ADAMTS2: variants seen among roughly 807,000 people sequenced by gnomAD.
ADAMTS2 encodes the protein ADAM metallopeptidase with thrombospondin type 1 motif 2, also known as A disintegrin and metalloproteinase with thrombospondin motifs 2.
A neutral mutation model predicts 123.0 loss-of-function variants in ADAMTS2; 50 were observed. That is an observed-to-expected ratio of 0.41 (90% confidence interval 0.32 to 0.51). The LOEUF is 0.51. Ranked by LOEUF, ADAMTS2 falls within the 20% of genes least tolerant of loss-of-function variation. The pLI is 0.35. For missense variants in ADAMTS2, 1,494 were observed against 1,705.2 expected (o/e 0.88, Z 2.18); for synonymous variants, 678 against 695.4 (o/e 0.98, Z 0.39).
At position 179,113,056 on chromosome 5, in the gene ADAMTS2, G is replaced by A; in HGVS notation, c.*811C>T. On this transcript the variant is annotated 3_prime_UTR_variant, in exon 22 of 22. Transcript: ENST00000251582. The stretch of plus-strand genomic sequence containing the variant: ...GGTCGAGACATTCAGATGCCGTACA[G>A]CATGAGCACCAAGAAGGTCAGAAGG... 6.6e-6 allele frequency: 1 copy of A among 152,668 alleles called. No individual in the cohort carries two copies. Among genetic ancestry groups the A allele is most frequent in the Non-Finnish European group, 1.5e-5 (1 of 68,304 alleles). The allele number at this position is 152,668 out of a possible 1,614,324, so 9.5% of individuals were successfully genotyped here.
In ADAMTS2 at chr5:179,117,295, G is replaced by A. The variant is rs906953633; in HGVS notation, c.3179-2971C>T. On this transcript the variant is annotated intron_variant, in intron 21 of 21. Transcript: ENST00000251582. This position sits in a 1 kb window ranked among gnomAD's most constrained non-coding sequence, Gnocchi z 4.2. ...AAGGAGGGAGCCTGGGCCTGATGGT[G>A]CTGGGAGGGACACCCTGGCTGCACA... Among the ~76,000 whole-genome samples the A allele has an allele frequency of 5.3e-5, 8 of 152,150 alleles. No individual in the cohort carries two copies. The highest frequency in any genetic ancestry group is 1.9e-4 in the African/African-American group (8 of 41,422).
chr5:179,277,237 C>T (rs980404433), intron 2 of ADAMTS2, among the ~76,000 whole-genome samples: 5 of 152,208 alleles, frequency 3.3e-5, no homozygotes, highest in East Asian at 1.9e-4. Flanking sequence ...CAGCCCCGCC[C>T]GTCTCTGTTG....
chr5:179,299,040 T>C (rs1008105430), intron 2 of ADAMTS2, among the ~76,000 whole-genome samples: 1 of 151,918 alleles, frequency 6.6e-6, no homozygotes, highest in Non-Finnish European at 1.5e-5. Flanking sequence ...TTCTTAATTA[T>C]AGACCAGAGT....
Position 179,155,337 on chromosome 5 carries a change from A to G in ADAMTS2, c.1133-418T>C, listed in dbSNP as rs1763447582. ...TTCCACACCTCTCTCTGCTAGAGGC[A>G]TCCTGCCCCTCGTCTGCCTGGTATC... On this transcript the variant is annotated intron_variant, in intron 6 of 21. Transcript: ENST00000251582. The surrounding 1 kb of genome is among the most constrained non-coding windows in gnomAD (Gnocchi z 5.1). Among the ~76,000 whole-genome samples the G allele has an allele frequency of 6.6e-6, 1 of 152,104 alleles. No homozygotes were observed. Among genetic ancestry groups the G allele is most frequent in the Non-Finnish European group, 1.5e-5 (1 of 68,006 alleles).
At chr5:179,280,158 G>T (rs1183194812) in intron 2 of ADAMTS2, among the ~76,000 whole-genome samples, 1 of 152,178 alleles carries the variant, frequency 6.6e-6, no homozygotes, top group Admixed American at 6.5e-5. Flanking sequence ...CTGGTTTCAG[G>T]CCCTACAGAC....
chr5:179,147,864 G>T (rs374245773), intron 10 of ADAMTS2, among the ~76,000 whole-genome samples: 7 of 152,310 alleles, frequency 4.6e-5, no homozygotes, highest in African/African-American at 1.7e-4. Flanking sequence ...AAGCAGGAAT[G>T]AAAAGAGAAG....
intron 17 of ADAMTS2, among the ~76,000 whole-genome samples, chr5:179,126,764 T>G (rs1415181398): frequency 6.6e-6 from 1 of 152,030 alleles, no homozygotes; most frequent in Non-Finnish European, 1.5e-5. Flanking sequence ...AAAGAAAGCA[T>G]GGAGATAAAG....
At chr5:179,239,388 G>A (rs561905595) in intron 3 of ADAMTS2, among the ~76,000 whole-genome samples, 19 of 152,250 alleles carry the variant, frequency 1.2e-4, no homozygotes, top group Non-Finnish European at 2.2e-4. Context: ...AGGATCAGCC[G>A]TGCACAGAGC....
chr5:179,200,528 T>A (rs1480546129), intron 4 of ADAMTS2, among the ~76,000 whole-genome samples: 1 of 152,082 alleles, frequency 6.6e-6, no homozygotes, highest in Non-Finnish European at 1.5e-5. Flanking sequence ...GGATTACAGG[T>A]GTGAGCCACT....
intron 8 of ADAMTS2, 64 bp from the exon 9 acceptor site, chr5:179,153,687 G>A (rs1377545726): frequency 1.9e-6 from 3 of 1,546,888 alleles, no homozygotes; most frequent in Non-Finnish European, 2.6e-6. Flanking sequence ...AGCCCTGGAG[G>A]CAGCTGAGGC....
chr5:179,187,875 G>A (rs549705012), intron 4 of ADAMTS2, among the ~76,000 whole-genome samples: 9 of 152,372 alleles, frequency 5.9e-5, no homozygotes, highest in African/African-American at 2.2e-4. Flanking sequence ...ATGCAGCCAA[G>A]TTTCTGTTCT....
chr5:179,214,747 C>T (rs1764935770), intron 3 of ADAMTS2, among the ~76,000 whole-genome samples: 1 of 152,144 alleles, frequency 6.6e-6, no homozygotes, highest in African/African-American at 2.4e-5. Flanking sequence ...GCTACATGGA[C>T]ATAATCCTGG....
At chr5:179,227,930 G>C (rs1765324528) in intron 3 of ADAMTS2, among the ~76,000 whole-genome samples, 1 of 152,148 alleles carries the variant, frequency 6.6e-6, no homozygotes, top group South Asian at 2.1e-4. Context: ...GACTGAGAGG[G>C]GGAGTCACAG....
intron 3 of ADAMTS2, among the ~76,000 whole-genome samples, chr5:179,263,935 T>C (rs895752583): frequency 5.9e-5 from 9 of 152,212 alleles, no homozygotes; most frequent in African/African-American, 2.2e-4. Context: ...AGAAAATATT[T>C]CAGGCTTGGA....
rs2303641 is a variant in ADAMTS2 at position 179,122,790 on chromosome 5, G to T, written c.2959-17C>A. The T allele has an allele frequency of 6.4e-7, 1 of 1,552,932 alleles. No individual in the cohort carries two copies. The highest frequency in any genetic ancestry group is 8.7e-7 in the Non-Finnish European group (1 of 1,148,466). ...TACTGAGCACTGCAGGGGGAGAGTC[G>T]CCAGGCAGGGTTCACCTCCCACACA... On this transcript the variant is annotated splice_polypyrimidine_tract_variant and intron_variant, in intron 19 of 21. Coordinates refer to ENST00000251582, the MANE Select transcript of ADAMTS2 (RefSeq NM_014244.5).
At chr5:179,235,120 G>A (rs1354335851) in intron 3 of ADAMTS2, among the ~76,000 whole-genome samples, 1 of 152,200 alleles carries the variant, frequency 6.6e-6, no homozygotes, top group Non-Finnish European at 1.5e-5. Context: ...AAGAGAGCAA[G>A]TTACTCTCTC....
chr5:179,330,051 G>A (rs1002189292), intron 2 of ADAMTS2, among the ~76,000 whole-genome samples: 17 of 151,158 alleles, frequency 1.1e-4, no homozygotes, highest in Admixed American at 4.0e-4. Flanking sequence ...GCGTGAACCC[G>A]GGAAGCGGAG....
At chr5:179,341,899 C>T (rs1411932345) in intron 2 of ADAMTS2, among the ~76,000 whole-genome samples, 1 of 152,170 alleles carries the variant, frequency 6.6e-6, no homozygotes, top group Admixed American at 6.5e-5. Flanking sequence ...GGCCAATCCA[C>T]ACCTGGTACC....
chr5:179,306,911 G>A (rs981515796), intron 2 of ADAMTS2, among the ~76,000 whole-genome samples: 1 of 152,140 alleles, frequency 6.6e-6, no homozygotes, highest in Non-Finnish European at 1.5e-5. Context: ...CTTATTCCAG[G>A]ACCAGGCCTG....
Sources: allele counts gnomAD v4.1 joint callset (sites outside exome capture counted in the v4.1 genomes callset), GRCh38; gene constraint gnomAD v4.1.1; non-coding constraint Gnocchi (gnomAD v3.1); transcripts MANE v1.5; gene names NCBI Gene and HGNC (gene_info 2026-07-23, HGNC 2026-07-21).